Variants in ULK4 observed in about 807,000 individuals in gnomAD.
ULK4 encodes the protein unc-51 like kinase 4, also known as inactive serine/threonine-protein kinase ULK4.
In ULK4, 133 loss-of-function variants were observed where a neutral mutation model predicts 160.6. That is an observed-to-expected ratio of 0.83 (90% confidence interval 0.72 to 0.96). The LOEUF is 0.96. Among genes scored for constraint, ULK4 ranks in the 40% least tolerant of loss-of-function variants. The pLI is 0.00. For synonymous variants in ULK4, 534 were observed against 539.8 expected, an observed-to-expected ratio of 0.99 and a Z score of 0.15; for missense variants, 1,580 against 1,499.5, an observed-to-expected ratio of 1.05 and a Z score of -0.89.
intron 18 of ULK4, among the ~76,000 whole-genome samples, chr3:41,822,691 T>C (rs1265106042): frequency 6.7e-6 from 1 of 150,272 alleles, no homozygotes; most frequent in Non-Finnish European, 1.5e-5. Flanking sequence ...AGTGCTGGGA[T>C]TACAAGCATA....
chr3:41,926,051 T>C (rs1481370889), intron 5 of ULK4, among the ~76,000 whole-genome samples: 1 of 142,412 alleles, frequency 7.0e-6, no homozygotes, highest in African/African-American at 2.5e-5. Flanking sequence ...TGTCTCCTGA[T>C]TGGGAGACAC....
chr3:41,729,821 C>T (rs1464639296), intron 22 of ULK4, among the ~76,000 whole-genome samples: 1 of 152,208 alleles, frequency 6.6e-6, no homozygotes, highest in Non-Finnish European at 1.5e-5. Context: ...TACTCACAGG[C>T]ATTGTTAATA....
intron 34 of ULK4, among the ~76,000 whole-genome samples, chr3:41,451,462 A>G (rs988707795): frequency 6.6e-6 from 1 of 151,806 alleles, no homozygotes; most frequent in African/African-American, 2.4e-5. Flanking sequence ...ATAATATGTG[A>G]TCAAAGGGGA....
In ULK4 at chr3:41,611,576, A is replaced by C. The variant is rs188595837; in HGVS notation, c.3120+4093T>G. 2.9e-4 allele frequency among the ~76,000 whole-genome samples: 44 copies of C among 152,242 alleles called. 1 individual carries two copies. The highest frequency in any genetic ancestry group is 9.6e-4 in the African/African-American group (40 of 41,542). ...AAACCTCATTGGTGAAAACTTGCAG[A>C]AACTCCCAGAATCGAGTTTCCACCC... On this transcript the variant is annotated intron_variant, in intron 31 of 36. Coordinates refer to ENST00000301831, the MANE Select transcript of ULK4 (RefSeq NM_017886.4).
At chr3:41,826,392 G>C (rs1289369943) in intron 18 of ULK4, among the ~76,000 whole-genome samples, 2 of 152,134 alleles carry the variant, frequency 1.3e-5, no homozygotes, top group South Asian at 4.1e-4. Context: ...AGACCCATCA[G>C]GGTGCTGTAT....
chr3:41,865,202 G>A (rs1244746877), intron 17 of ULK4, among the ~76,000 whole-genome samples: 2 of 142,756 alleles, frequency 1.4e-5, no homozygotes, highest in African/African-American at 5.3e-5. Context: ...GAACCCAAGA[G>A]GCGGAGGTTG....
chr3:41,647,048 TC>T (rs1232131633), intron 30 of ULK4, among the ~76,000 whole-genome samples: 10 of 152,238 alleles, frequency 6.6e-5, no homozygotes, highest in Non-Finnish European at 1.2e-4. Flanking sequence ...CTCCATCAGC[TC>T]CTTTAAGCAC....
At chr3:41,586,039 ACT>A (rs768117053) in intron 31 of ULK4, among the ~76,000 whole-genome samples, 6 of 152,338 alleles carry the variant, frequency 3.9e-5, no homozygotes, top group Non-Finnish European at 7.4e-5. Context: ...ACCCCTGTAC[ACT>A]GTTAGTGGGA....
intron 35 of ULK4, among the ~76,000 whole-genome samples, chr3:41,333,621 C>G (rs2080492683): frequency 6.6e-6 from 1 of 152,116 alleles, no homozygotes; most frequent in Admixed American, 6.5e-5. Context: ...TTTCATTTTT[C>G]TTAGTCTAAA....
chr3:41,464,401 A>C (rs894221910), intron 32 of ULK4, among the ~76,000 whole-genome samples: 10 of 152,192 alleles, frequency 6.6e-5, no homozygotes, highest in South Asian at 4.1e-4. Context: ...TGCTTATAAA[A>C]ACAAAAACAA....
intron 29 of ULK4, among the ~76,000 whole-genome samples, chr3:41,673,144 C>CT (rs1179009353): frequency 1.2e-4 from 18 of 151,848 alleles, no homozygotes; most frequent in Admixed American, 7.9e-4. Context: ...CCAGCCAAAA[C>CT]TTTTTTTTAA....
intron 6 of ULK4, among the ~76,000 whole-genome samples, chr3:41,919,406 A>G (rs1164479158): frequency 6.6e-6 from 1 of 152,158 alleles, no homozygotes; most frequent in Non-Finnish European, 1.5e-5. Flanking sequence ...ATTCAAGACC[A>G]GCCTGGCCAA....
intron 31 of ULK4, among the ~76,000 whole-genome samples, chr3:41,603,047 A>AT (rs1404250784): frequency 1.3e-5 from 2 of 152,106 alleles, no homozygotes; most frequent in African/African-American, 4.8e-5. Flanking sequence ...TGTGGAATAG[A>AT]TTAAGAAAAT....
chr3:41,862,886 G>A (rs577296970), intron 17 of ULK4, among the ~76,000 whole-genome samples: 59 of 147,574 alleles, frequency 4.0e-4, no homozygotes, highest in African/African-American at 1.1e-3. Flanking sequence ...GGCCACCACC[G>A]CTATGACAGC....
chr3:41,355,198 G>C lies in ULK4; in HGVS notation c.3678+42881C>G, dbSNP rs553783926. Among the ~76,000 whole-genome samples, 56 of 152,250 alleles carry C rather than the reference G, an allele frequency of 3.7e-4. No homozygotes were observed. In the South Asian group the frequency reaches 0.011, roughly 31 times the overall value. Reference sequence around the variant, plus strand: ...GAAACTAATGATGACTTTCAGGGAAGACCCAAAAGACAGAGATGCTTTGAG... The same window carrying C: ...GAAACTAATGATGACTTTCAGGGAACACCCAAAAGACAGAGATGCTTTGAG... On this transcript the variant is annotated intron_variant, in intron 35 of 36. Coordinates refer to ENST00000301831, the MANE Select transcript of ULK4 (RefSeq NM_017886.4).
intron 35 of ULK4, among the ~76,000 whole-genome samples, chr3:41,277,126 A>G (rs1272313165): frequency 6.6e-6 from 1 of 152,182 alleles, no homozygotes; most frequent in African/African-American, 2.4e-5. Flanking sequence ...ACCACCAAAA[A>G]ATGTCCAGGA....
At chr3:41,651,668 A>G (rs2034749306) in intron 30 of ULK4, among the ~76,000 whole-genome samples, 1 of 152,276 alleles carries the variant, frequency 6.6e-6, no homozygotes, top group African/African-American at 2.4e-5. Flanking sequence ...CTCAAGAGAC[A>G]GAAAAGTAAA....
At chr3:41,660,137 A>C (rs2035096387) in intron 30 of ULK4, among the ~76,000 whole-genome samples, 2 of 152,146 alleles carry the variant, frequency 1.3e-5, no homozygotes, top group Non-Finnish European at 2.9e-5. Flanking sequence ...TAAAAAATAC[A>C]AAAACAAATT....
intron 17 of ULK4, among the ~76,000 whole-genome samples, chr3:41,841,145 C>G (rs1160976776): frequency 8.8e-6 from 1 of 114,266 alleles, no homozygotes; most frequent in Non-Finnish European, 1.7e-5. Flanking sequence ...GGCCGCCACC[C>G]CGTCTGGGAT....
Sources: allele counts gnomAD v4.1 joint callset (sites outside exome capture counted in the v4.1 genomes callset), GRCh38; gene constraint gnomAD v4.1.1; transcripts MANE v1.5; gene names NCBI Gene and HGNC (gene_info 2026-07-23, HGNC 2026-07-21).